Variants in PRRC2C observed in about 807,000 individuals in gnomAD.
PRRC2C encodes proline rich coiled-coil 2C.
In PRRC2C, 72 loss-of-function variants were observed where a neutral mutation model predicts 317.2. The observed-to-expected ratio is 0.23, with a 90% confidence interval of 0.19 to 0.28. The LOEUF (loss-of-function observed/expected upper bound fraction) is 0.28, where lower values mean the gene tolerates loss of function less well. Among genes scored for constraint, PRRC2C ranks in the 10% least tolerant of loss-of-function variants. PRRC2C has a pLI of 1.00. For synonymous variants in PRRC2C, 1,296 were observed against 1,205.9 expected (o/e 1.07, Z -1.55); for missense variants, 3,074 against 3,459.7 (o/e 0.89, Z 2.80).
At chr1:171,527,729 A>G (rs1487014752) in intron 10 of PRRC2C, 62 bp from the exon 11 acceptor site, 2 of 1,414,432 alleles carry the variant, frequency 1.4e-6, no homozygotes, top group Admixed American at 2.0e-5. Context: ...GCACTCCAGC[A>G]TGGGCAACAG....
At chr1:171,579,321 TTAC>T in intron 26 of PRRC2C, 30 bp from the exon 27 acceptor site, 1 of 1,588,818 alleles carries the variant, frequency 6.3e-7, no homozygotes, top group Non-Finnish European at 8.6e-7. Flanking sequence ...ATTAGGACAC[TTAC>T]TACTGCTTGT....
intron 33 of PRRC2C, among the ~76,000 whole-genome samples, chr1:171,588,837 T>G (rs1249002196): frequency 6.6e-6 from 1 of 152,156 alleles, no homozygotes; most frequent in Non-Finnish European, 1.5e-5. Flanking sequence ...TTAAAGTTGT[T>G]TTTTGTTGTT....
chr1:171,584,349 C>A, intron 29 of PRRC2C, 70 bp from the exon 30 acceptor site: 2 of 1,425,282 alleles, frequency 1.4e-6, no homozygotes, highest in South Asian at 2.7e-5. Context: ...GCTTTGAAGT[C>A]ATAATCTCCA....
intron 18 of PRRC2C, among the ~76,000 whole-genome samples, chr1:171,550,577 C>T (rs978209747): frequency 2.0e-5 from 3 of 151,116 alleles, no homozygotes; most frequent in South Asian, 2.1e-4. Context: ...ATTAACTCAT[C>T]GTTTACACTA....
chr1:171,563,847 T>C (rs1342654618), intron 20 of PRRC2C, among the ~76,000 whole-genome samples: 4 of 152,166 alleles, frequency 2.6e-5, no homozygotes. Context: ...CATTTCAGGA[T>C]TTTTCATGCT....
At chr1:171,524,179 G>A (rs1463373822) in intron 9 of PRRC2C, among the ~76,000 whole-genome samples, 1 of 152,184 alleles carries the variant, frequency 6.6e-6, no homozygotes, top group African/African-American at 2.4e-5. Context: ...GGTTACTACA[G>A]CTTTTTCAGG....
chr1:171,530,629 A>T (rs1005290053), intron 11 of PRRC2C, among the ~76,000 whole-genome samples: 1 of 147,154 alleles, frequency 6.8e-6, no homozygotes, highest in Non-Finnish European at 1.5e-5. Flanking sequence ...TTTGTTTCTC[A>T]AAAGAAAATG....
At chr1:171,496,774 C>T (rs950027447) in intron 1 of PRRC2C, among the ~76,000 whole-genome samples, 8 of 146,782 alleles carry the variant, frequency 5.5e-5, no homozygotes, top group South Asian at 4.4e-4. Flanking sequence ...ACATTTGGGG[C>T]GTGTGTGTGT....
In PRRC2C at chr1:171,557,484, C is replaced by G. The variant is rs1681673668; in HGVS notation, c.5372C>G (p.Thr1791Ser). 2 of 1,551,460 alleles carry G rather than the reference C, an allele frequency of 1.3e-6. No individual in the cohort carries two copies. The highest frequency in any genetic ancestry group is 2.7e-5 in the African/African-American group (2 of 73,008). The change falls in exon 19 of 35, where the codon ACT becomes AGT. Residue 1791 changes from threonine (T) to serine (S), a missense_variant. Transcript: ENST00000647382. ...ACCTCAGCTCCGGTTCCAGCCTCAA[C>G]TTTAGCTCCAGTTCTGGCCTCAACC... ...ASTSAPVPAS[T>S]LAPVLASTSA...
At chr1:171,526,724 T>C (rs998021315) in intron 10 of PRRC2C, among the ~76,000 whole-genome samples, 1 of 151,824 alleles carries the variant, frequency 6.6e-6, no homozygotes, top group African/African-American at 2.4e-5. Context: ...TAATGAGTGA[T>C]ATGCTTTTAT....
At chr1:171,571,173 C>A (rs1433543947) in intron 23 of PRRC2C, 147 bp from the exon 24 acceptor site, 2 of 543,406 alleles carry the variant, frequency 3.7e-6, no homozygotes, top group Non-Finnish European at 6.6e-6. Context: ...CTACTATAAA[C>A]ACAATGTGAC....
chr1:171,532,114 T>C (rs952584885), intron 11 of PRRC2C, among the ~76,000 whole-genome samples: 2 of 152,236 alleles, frequency 1.3e-5, no homozygotes, highest in Non-Finnish European at 2.9e-5. Flanking sequence ...GGCACAATAA[T>C]AGGTACATAC....
rs536873986 is a variant in PRRC2C at position 171,535,483 on chromosome 1, A to G, written c.1929A>G (p.Thr643=). The change falls in exon 13 of 35, where the codon ACA becomes ACG. Residue 643 remains threonine, a synonymous_variant. Coordinates refer to ENST00000647382, the MANE Select transcript of PRRC2C (RefSeq NM_001387844.1). ...GCAATCGCAGTGAAAAGGAAGCCAC[A>G]CCAGTGGTGCATGAAACAGAACCAG... ...QDSNRSEKEA[T]PVVHETEPES... The G allele has an allele frequency of 2.5e-5, 41 of 1,614,016 alleles. No individual in the cohort carries two copies. The Middle Eastern group carries it at 4.9e-4, about 19-fold the overall frequency.
rs1380671464 is a variant in PRRC2C, at chr1:171,536,157, G to A, written c.2172G>A (p.Gln724=). The A allele has an allele frequency of 6.2e-7, 1 of 1,608,380 alleles. No homozygotes were observed. The highest frequency in any genetic ancestry group is 1.7e-5 in the Admixed American group (1 of 59,248). The change falls in exon 14 of 35, where the codon CAG becomes CAA. Residue 724 remains glutamine (Q), a synonymous_variant. Transcript: ENST00000647382. ...PPHRPLYQPM[Q]PHPQHLASMG... ...ACAGACCTCTTTATCAGCCTATGCA[G>A]CCTCATCCTCAGCATTTGGCTTCTA...
At chr1:171,498,086 G>A (rs1223825518) in intron 1 of PRRC2C, among the ~76,000 whole-genome samples, 2 of 149,688 alleles carry the variant, frequency 1.3e-5, no homozygotes, top group Non-Finnish European at 3.0e-5. Flanking sequence ...CTCGGCTTCC[G>A]AAATTCCTGG....
chr1:171,531,619 T>C (rs1017839158), intron 11 of PRRC2C, among the ~76,000 whole-genome samples: 2 of 152,240 alleles, frequency 1.3e-5, no homozygotes, highest in Non-Finnish European at 2.9e-5. Context: ...TTTTTTTAAT[T>C]ACTTTTATTG....
intron 9 of PRRC2C, among the ~76,000 whole-genome samples, chr1:171,523,802 G>A (rs377725701): frequency 6.6e-6 from 1 of 152,092 alleles, no homozygotes; most frequent in African/African-American, 2.4e-5. Context: ...TTGGGAGGCC[G>A]AGGCAGGCAG....
At position 171,542,134 on chromosome 1, in the gene PRRC2C, A is replaced by T; in HGVS notation, c.4668A>T (p.Arg1556=). Reference sequence around the variant, plus strand: ...AGAGACCAGTAGATCGTCAGAATCGACGTGGCAACAATGGTCCACCCAAAT... The same window carrying T: ...AGAGACCAGTAGATCGTCAGAATCGTCGTGGCAACAATGGTCCACCCAAAT... ...SSQRPVDRQN[R]RGNNGPPKSG... Residue 1556 remains arginine (R), a synonymous_variant, in exon 16 of 35, where the codon CGA becomes CGT. Transcript: ENST00000647382. 6.2e-7 allele frequency: 1 copy of T among 1,612,970 alleles called. No individual in the cohort carries two copies. Among genetic ancestry groups the T allele is most frequent in the Non-Finnish European group, 8.5e-7 (1 of 1,179,424 alleles).
Position 171,591,829 on chromosome 1 carries a change from C to T in PRRC2C, c.8679C>T (p.Thr2893=), listed in dbSNP as rs372806157. The T allele has an allele frequency of 2.9e-5, 46 of 1,574,662 alleles. No individual in the cohort carries two copies. Among genetic ancestry groups the T allele is most frequent in the Non-Finnish European group, 3.6e-5 (42 of 1,161,480 alleles). ...TGPIKPQAIK[T]EETKS is the part of the protein sequence containing the mutation. ...CAATCAAACCTCAGGCGATCAAAAC[C>T]GAAGAAACAAAATCTTAAAGGCTAT... Residue 2893 remains threonine, a synonymous_variant, in exon 35 of 35, where the codon ACC becomes ACT. Transcript: ENST00000647382.
Sources: allele counts gnomAD v4.1 joint callset (sites outside exome capture counted in the v4.1 genomes callset), GRCh38; gene constraint gnomAD v4.1.1; transcripts MANE v1.5; gene names NCBI Gene and HGNC (gene_info 2026-07-23, HGNC 2026-07-21).